Variants in ELMO1 observed in about 807,000 individuals in gnomAD.
The protein encoded by ELMO1 is engulfment and cell motility 1.
A neutral mutation model predicts 98.9 loss-of-function variants in ELMO1; 26 were observed. The observed-to-expected ratio is 0.26, with a 90% CI of 0.19 to 0.36. The LOEUF is 0.36. ELMO1 is among the 10% of genes least tolerant of loss of function. ELMO1 has a pLI of 1.00. For synonymous variants in ELMO1, 346 were observed against 346.0 expected (o/e 1.00, Z 0.00); for missense variants, 627 against 935.2 (o/e 0.67, Z 4.30).
chr7:36,879,342 A>G (rs1053296894), intron 18 of ELMO1, among the ~76,000 whole-genome samples: 4 of 152,262 alleles, frequency 2.6e-5, no homozygotes, highest in Non-Finnish European at 5.9e-5. Flanking sequence ...ATGAGGTGTC[A>G]GTCACCTACA....
chr7:36,862,040 C>T, intron 20 of ELMO1: 1 of 341,342 alleles, frequency 2.9e-6, no homozygotes, highest in Non-Finnish European at 5.5e-6. Flanking sequence ...GACAGCACCG[C>T]CTGCCTCCTC....
chr7:36,912,394 A>AG (rs1364489149), intron 16 of ELMO1, among the ~76,000 whole-genome samples: 2 of 152,206 alleles, frequency 1.3e-5, no homozygotes, highest in Admixed American at 1.3e-4. Flanking sequence ...ATGGAAAGAC[A>AG]CCTTAGAAAG....
intron 20 of ELMO1, among the ~76,000 whole-genome samples, chr7:36,867,694 T>G (rs1803143119): frequency 6.6e-6 from 1 of 152,210 alleles, no homozygotes. Flanking sequence ...CACATTTTGG[T>G]AAGCTGGATT....
At chr7:37,116,556 C>A (rs867131426) in intron 14 of ELMO1, among the ~76,000 whole-genome samples, 13 of 152,030 alleles carry the variant, frequency 8.6e-5, no homozygotes, top group African/African-American at 4.8e-5. Context: ...CCTTTCAATT[C>A]ACATTAGACT....
intron 1 of ELMO1, among the ~76,000 whole-genome samples, chr7:37,384,468 C>T (rs1802708260): frequency 6.6e-6 from 1 of 152,134 alleles, no homozygotes; most frequent in Non-Finnish European, 1.5e-5. Flanking sequence ...CGCCTGTAAT[C>T]CCAGCACTTT....
chr7:37,025,844 T>TAC (rs1794536752), intron 15 of ELMO1, among the ~76,000 whole-genome samples: 1 of 150,934 alleles, frequency 6.6e-6, no homozygotes, highest in East Asian at 1.9e-4. Flanking sequence ...ATTCTATATA[T>TAC]ACATGAGATT....
At chr7:37,074,714 T>C (rs1009240893) in intron 15 of ELMO1, among the ~76,000 whole-genome samples, 44 of 152,296 alleles carry the variant, frequency 2.9e-4, no homozygotes, top group African/African-American at 1.0e-3. Flanking sequence ...GTGGGGTTAA[T>C]ATTAGACCAG....
At chr7:36,903,903 A>T (rs1307250949) in intron 16 of ELMO1, among the ~76,000 whole-genome samples, 1 of 152,240 alleles carries the variant, frequency 6.6e-6, no homozygotes, top group Non-Finnish European at 1.5e-5. Flanking sequence ...CACTGGGGAC[A>T]GTCAGATTGG....
At chr7:36,941,704 G>T (rs1016722664) in intron 16 of ELMO1, among the ~76,000 whole-genome samples, 14 of 152,218 alleles carry the variant, frequency 9.2e-5, no homozygotes, top group Non-Finnish European at 1.6e-4. Context: ...TCTCTAGGAA[G>T]AAGTTCCATG....
At chr7:36,933,958 T>A (rs973655530) in intron 16 of ELMO1, among the ~76,000 whole-genome samples, 3 of 152,126 alleles carry the variant, frequency 2.0e-5, no homozygotes, top group African/African-American at 7.2e-5. Flanking sequence ...GCCTTTTTTG[T>A]TTTGTTTTGA....
At chr7:37,359,555 C>T (rs528244116) in intron 1 of ELMO1, among the ~76,000 whole-genome samples, 3 of 152,140 alleles carry the variant, frequency 2.0e-5, no homozygotes, top group Non-Finnish European at 2.9e-5. Flanking sequence ...ACAACAGCCC[C>T]GTGACAAAGG....
At chr7:36,883,455 G>C (rs1403376950) in intron 18 of ELMO1, among the ~76,000 whole-genome samples, 1 of 152,198 alleles carries the variant, frequency 6.6e-6, no homozygotes, top group African/African-American at 2.4e-5. Context: ...GTAGTCCCCA[G>C]TGTTGGAGGT....
At chr7:37,042,064 C>T (rs1023681027) in intron 15 of ELMO1, among the ~76,000 whole-genome samples, 2 of 150,824 alleles carry the variant, frequency 1.3e-5, no homozygotes, top group Admixed American at 6.6e-5. Flanking sequence ...GCAGGTGGAT[C>T]ACTTGAGCTC....
At chr7:37,186,144 C>A (rs918392283) in intron 13 of ELMO1, among the ~76,000 whole-genome samples, 1 of 152,094 alleles carries the variant, frequency 6.6e-6, no homozygotes, top group African/African-American at 2.4e-5. Context: ...GATTAAGAAT[C>A]CAGAAATAAG....
chr7:37,179,903 G>A (rs1790738097), intron 13 of ELMO1, among the ~76,000 whole-genome samples: 1 of 152,146 alleles, frequency 6.6e-6, no homozygotes, highest in African/African-American at 2.4e-5. Context: ...AAGTGTGCAG[G>A]AGCCCAGTAG....
chr7:37,263,154 T>A (rs965582103), intron 5 of ELMO1, among the ~76,000 whole-genome samples: 1 of 152,092 alleles, frequency 6.6e-6, no homozygotes, highest in African/African-American at 2.4e-5. Context: ...ATTTATTATA[T>A]AAAAAAAGTG....
At chr7:37,142,980 C>T (rs2129310427) in intron 13 of ELMO1, among the ~76,000 whole-genome samples, 1 of 152,270 alleles carries the variant, frequency 6.6e-6, no homozygotes, top group Non-Finnish European at 1.5e-5. Context: ...AATCACACCC[C>T]TCCACAGGCA....
intron 16 of ELMO1, among the ~76,000 whole-genome samples, chr7:36,905,561 A>G (rs1215604521): frequency 6.6e-6 from 1 of 152,260 alleles, no homozygotes; most frequent in Non-Finnish European, 1.5e-5. Flanking sequence ...TAATGAATAA[A>G]TGATATCCAC....
chr7:37,432,310 T>G (rs574215939), intron 1 of ELMO1, among the ~76,000 whole-genome samples: 83 of 152,346 alleles, frequency 5.4e-4, no homozygotes, highest in African/African-American at 1.9e-3. Context: ...TGCCAAGTTC[T>G]CCACACTGGG....
Sources: allele counts gnomAD v4.1 joint callset (sites outside exome capture counted in the v4.1 genomes callset), GRCh38; gene constraint gnomAD v4.1.1; transcripts MANE v1.5; gene names NCBI Gene and HGNC (gene_info 2026-07-23, HGNC 2026-07-21).